Variants in PRKG1 observed in about 807,000 individuals in gnomAD.
PRKG1 encodes the protein protein kinase cGMP-dependent 1.
PRKG1 carries 35 observed loss-of-function variants against 88.1 expected under a neutral mutation model. That is an observed-to-expected ratio of 0.40 (90% CI 0.30 to 0.53). PRKG1 has a LOEUF of 0.53. Among genes scored for constraint, PRKG1 ranks in the 20% least tolerant of loss-of-function variants. The probability of loss-of-function intolerance (pLI) is 0.59; values close to 1 mark genes in which losing one functional copy is unlikely to be tolerated. For synonymous variants in PRKG1, 303 were observed against 292.5 expected (o/e 1.04, Z -0.37); for missense variants, 540 against 839.8 (o/e 0.64, Z 4.41).
chr10:51,902,377 A>G (rs1267053983), intron 4 of PRKG1, among the ~76,000 whole-genome samples: 2 of 152,094 alleles, frequency 1.3e-5, no homozygotes, highest in Non-Finnish European at 2.9e-5. Flanking sequence ...AGGCCTCCCA[A>G]AGTGCTGGGA....
At chr10:52,227,549 T>C (rs1025232715) in intron 9 of PRKG1, among the ~76,000 whole-genome samples, 1 of 152,184 alleles carries the variant, frequency 6.6e-6, no homozygotes, top group African/African-American at 2.4e-5. Context: ...GCTCAGGCTA[T>C]ATGCAAATAC....
chr10:51,371,345 C>T (rs1842701788), intron 2 of PRKG1, among the ~76,000 whole-genome samples: 1 of 151,348 alleles, frequency 6.6e-6, no homozygotes, highest in South Asian at 2.1e-4. Context: ...TGAGACCAGC[C>T]TGAGCAACAT....
chr10:51,250,475 T>C (rs1401270716), intron 2 of PRKG1, among the ~76,000 whole-genome samples: 1 of 151,774 alleles, frequency 6.6e-6, no homozygotes, highest in African/African-American at 2.4e-5. Flanking sequence ...GACTGGTGAA[T>C]TCCCAGTCTC....
At chr10:51,596,182 A>G (rs1264183446) in intron 3 of PRKG1, among the ~76,000 whole-genome samples, 1 of 152,172 alleles carries the variant, frequency 6.6e-6, no homozygotes, top group East Asian at 1.9e-4. Flanking sequence ...TAAGATCTTC[A>G]AAAACCAGAA....
At chr10:52,037,973 A>C (rs1044694632) in intron 5 of PRKG1, among the ~76,000 whole-genome samples, 8 of 152,144 alleles carry the variant, frequency 5.3e-5, no homozygotes, top group Non-Finnish European at 1.2e-4. Context: ...GAAGGGACTG[A>C]TGTGTAAAAG....
intron 1 of PRKG1, among the ~76,000 whole-genome samples, chr10:51,039,522 C>G (rs1843393557): frequency 6.6e-6 from 1 of 152,102 alleles, no homozygotes. Flanking sequence ...TATTTTCTCC[C>G]ATTCCTTGGG....
intron 3 of PRKG1, among the ~76,000 whole-genome samples, chr10:51,496,069 A>G (rs549857083): frequency 6.6e-6 from 1 of 152,194 alleles, no homozygotes; most frequent in Admixed American, 6.5e-5. Context: ...GCTCTGGTAC[A>G]TTACTCTTTG....
chr10:52,166,880 T>TATAC (rs1443722717), intron 9 of PRKG1, among the ~76,000 whole-genome samples: 43 of 121,946 alleles, frequency 3.5e-4, no homozygotes, highest in African/African-American at 1.3e-3. Flanking sequence ...TGTGTATGTA[T>TATAC]ACACACACAC....
rs944969487 is a variant in PRKG1 at position 52,000,544 on chromosome 10, A to G, written c.763-53940A>G. On this transcript the variant is annotated intron_variant, in intron 5 of 17. Transcript: ENST00000373980. ...ATTTTGTTGAAATATTGTGGTGCGT[A>G]GTTTGAGTTAGAGTTCTTTTGGGTA... Among the ~76,000 whole-genome samples the G allele has an allele frequency of 1.3e-5, 2 of 152,072 alleles. 1 individual carries two copies. Among genetic ancestry groups the G allele is most frequent in the South Asian group, 4.1e-4 (2 of 4,830 alleles).
intron 4 of PRKG1, among the ~76,000 whole-genome samples, chr10:51,852,940 A>T (rs952000917): frequency 6.6e-6 from 1 of 152,174 alleles, no homozygotes; most frequent in Non-Finnish European, 1.5e-5. Flanking sequence ...AGACTGGCAT[A>T]TTATTTTTAA....
chr10:51,372,097 T>C (rs1842718026), intron 2 of PRKG1, among the ~76,000 whole-genome samples: 1 of 152,194 alleles, frequency 6.6e-6, no homozygotes, highest in Non-Finnish European at 1.5e-5. Context: ...TAACTCAGCA[T>C]GTGTTTCAGT....
intron 5 of PRKG1, among the ~76,000 whole-genome samples, chr10:51,997,148 G>A (rs979984471): frequency 3.3e-5 from 5 of 152,038 alleles, no homozygotes; most frequent in African/African-American, 1.2e-4. Flanking sequence ...ATGGAAAGAT[G>A]TTGGTCAATG....
chr10:51,115,610 C>T (rs1454375876), intron 1 of PRKG1, among the ~76,000 whole-genome samples: 14 of 150,844 alleles, frequency 9.3e-5, no homozygotes, highest in Non-Finnish European at 1.5e-4. Flanking sequence ...GAGGCCGAGG[C>T]GGGAGGATCA....
At chr10:51,956,855 G>A (rs1843315531) in intron 5 of PRKG1, among the ~76,000 whole-genome samples, 1 of 151,914 alleles carries the variant, frequency 6.6e-6, no homozygotes, top group African/African-American at 2.4e-5. Context: ...CATATTCACT[G>A]GTACTGTCCA....
At chr10:51,460,377 T>C (rs1251495911) in intron 2 of PRKG1, among the ~76,000 whole-genome samples, 1 of 152,204 alleles carries the variant, frequency 6.6e-6, no homozygotes, top group Non-Finnish European at 1.5e-5. Context: ...TTTAGGCTAA[T>C]TGAAGGTGCT....
At chr10:51,439,854 G>A (rs2132745138) in intron 2 of PRKG1, among the ~76,000 whole-genome samples, 1 of 152,006 alleles carries the variant, frequency 6.6e-6, no homozygotes, top group Middle Eastern at 3.4e-3. Context: ...TGAGTTAGAT[G>A]CTAGCTTTTT....
intron 1 of PRKG1, among the ~76,000 whole-genome samples, chr10:51,003,103 C>G (rs538599687): frequency 2.4e-4 from 36 of 152,204 alleles, no homozygotes; most frequent in African/African-American, 6.7e-4. Flanking sequence ...CTGTCTATGA[C>G]TGCCAGAGAG....
intron 9 of PRKG1, among the ~76,000 whole-genome samples, chr10:52,166,819 GTA>G (rs370403466): frequency 7.2e-5 from 4 of 55,314 alleles, no homozygotes; most frequent in East Asian, 3.5e-4. Context: ...GTATATATAT[GTA>G]TATATATGTA....
At chr10:51,466,321 C>T (rs1239536167) in intron 2 of PRKG1, among the ~76,000 whole-genome samples, 1 of 152,070 alleles carries the variant, frequency 6.6e-6, no homozygotes, top group Non-Finnish European at 1.5e-5. Flanking sequence ...TTGGCCGTAC[C>T]TGTGTAAGCA....
Sources: gnomAD v4.1 joint callset for allele counts (sites outside exome capture counted in the v4.1 genomes callset) on GRCh38, gnomAD v4.1.1 for gene constraint, MANE v1.5 for transcripts, NCBI Gene and HGNC (gene_info 2026-07-23, HGNC 2026-07-21) for gene names.